CCDC141: variants seen among roughly 807,000 people sequenced by gnomAD.
CCDC141 encodes coiled-coil domain-containing protein 141.
A neutral mutation model predicts 181.0 loss-of-function variants in CCDC141; 168 were observed. The observed-to-expected ratio is 0.93, with a 90% CI of 0.82 to 1.05. The LOEUF is 1.05. Among genes scored for constraint, CCDC141 ranks in the 50% least tolerant of loss-of-function variants. The pLI, the probability that CCDC141 is intolerant of heterozygous loss-of-function variation, is 0.00. For synonymous variants in CCDC141, 666 were observed against 642.3 expected (o/e 1.04, Z -0.56); for missense variants, 1,902 against 1,788.5 (o/e 1.06, Z -1.14).
At chr2:178,843,820 A>C (rs1489480) in intron 22 of CCDC141, among the ~76,000 whole-genome samples, 72,429 of 151,974 alleles carry the variant, frequency 0.48, 17,544 homozygotes, top group East Asian at 0.68. Flanking sequence ...ACAGACAATA[A>C]GAGGGTAAAT....
intron 8 of CCDC141, among the ~76,000 whole-genome samples, chr2:178,892,213 GTA>G (rs139156898): frequency 0.12 from 18,828 of 152,128 alleles, 1,540 homozygotes; most frequent in Non-Finnish European, 0.18. Context: ...TTTATCATGT[GTA>G]GTTTGGCTCA....
intron 15 of CCDC141, among the ~76,000 whole-genome samples, chr2:178,868,547 T>C (rs911690371): frequency 1.4e-5 from 2 of 146,940 alleles, no homozygotes; most frequent in Non-Finnish European, 3.0e-5. Flanking sequence ...ACCATAACTA[T>C]GAAGTTTTTG....
At chr2:178,948,819 G>A (rs562841343) in intron 5 of CCDC141, among the ~76,000 whole-genome samples, 7 of 152,192 alleles carry the variant, frequency 4.6e-5, no homozygotes, top group Non-Finnish European at 5.9e-5. Flanking sequence ...TTCACCTTCC[G>A]CCATGGGTGA....
chr2:179,009,227 G>A (rs1039384881), intron 2 of CCDC141, among the ~76,000 whole-genome samples: 1 of 152,216 alleles, frequency 6.6e-6, no homozygotes, highest in East Asian at 1.9e-4. Context: ...TTTTATATGA[G>A]TTTCTGCTGA....
chr2:178,944,836 C>T lies in CCDC141; in HGVS notation c.781-185G>A, dbSNP rs4146958. ...TTTTTCTTCATTTAACCTCTACATGCATAAAAGAGAAAAAATCCCAAAAAG... is the reference window on the plus strand; with the variant it reads ...TTTTTCTTCATTTAACCTCTACATGTATAAAAGAGAAAAAATCCCAAAAAG... On this transcript the variant is annotated intron_variant, in intron 5 of 23. Transcript: ENST00000443758. Among the ~76,000 whole-genome samples, 7,125 of 151,992 alleles carry T rather than the reference C, an allele frequency of 0.047. 216 individuals carry two copies. The highest frequency in any genetic ancestry group is 0.079 in the South Asian group (380 of 4,816).
the CCDC141 span, among the ~76,000 whole-genome samples, chr2:178,823,796 C>G: frequency 6.6e-6 from 1 of 152,110 alleles, no homozygotes; most frequent in Admixed American, 6.5e-5. Flanking sequence ...ATCTGGAAAT[C>G]TTGTTTGACA....
rs1476012042 is a variant in CCDC141 at position 178,845,654 on chromosome 2, T to G, written c.3446A>C (p.Gln1149Pro). 3 of 1,604,870 alleles carry G rather than the reference T, an allele frequency of 1.9e-6. No individual in the cohort carries two copies. Among genetic ancestry groups the G allele is most frequent in the East Asian group, 2.2e-5 (1 of 44,754 alleles). ...DLLKEPAKNK[Q>P]TIFNEERNKG... ...ATTCCTTTCTTCATTGAATATTGTC[T>G]GCTTATTTTTTGCTGGTTCCTTTAG... Residue 1149 changes from glutamine to proline, a missense_variant, in exon 22 of 24, where the codon CAG becomes CCG. Transcript: ENST00000443758.
At chr2:178,824,061 AAC>A in the CCDC141 span, among the ~76,000 whole-genome samples, 2,315 of 147,248 alleles carry the variant, frequency 0.016, 54 homozygotes, top group African/African-American at 0.051. Context: ...TACAGAGAAA[AAC>A]ACACACACAC....
intron 20 of CCDC141, among the ~76,000 whole-genome samples, chr2:178,851,863 TTGAGA>T (rs1469873320): frequency 2.0e-5 from 3 of 152,192 alleles, no homozygotes; most frequent in Non-Finnish European, 4.4e-5. Flanking sequence ...ACAAATTTGT[TTGAGA>T]TAATTTTTTG....
chr2:178,886,222 A>AGGGCAGGTTTT (rs1686876663), intron 10 of CCDC141, among the ~76,000 whole-genome samples: 1 of 149,666 alleles, frequency 6.7e-6, no homozygotes, highest in Non-Finnish European at 1.5e-5. Flanking sequence ...CAGAAACTTC[A>AGGGCAGGTTTT]GGGCAGGTTT....
intron 4 of CCDC141, among the ~76,000 whole-genome samples, chr2:178,972,842 C>A (rs1690958398): frequency 6.6e-6 from 1 of 152,148 alleles, no homozygotes; most frequent in Admixed American, 6.5e-5. Context: ...CTGGTTCTAA[C>A]TTCCGTAGTG....
intron 7 of CCDC141, among the ~76,000 whole-genome samples, chr2:178,918,151 T>C (rs1427574781): frequency 2.0e-5 from 3 of 152,028 alleles, no homozygotes; most frequent in Non-Finnish European, 2.9e-5. Flanking sequence ...GGCTCATGCC[T>C]ACAATTTCAA....
intron 6 of CCDC141, among the ~76,000 whole-genome samples, chr2:178,924,234 G>A (rs534553085): frequency 6.6e-6 from 1 of 152,314 alleles, no homozygotes; most frequent in South Asian, 2.1e-4. Flanking sequence ...TAACTGTGGA[G>A]ATTACTGGCC....
intron 2 of CCDC141, among the ~76,000 whole-genome samples, chr2:179,031,273 G>T (rs1467907113): frequency 6.6e-6 from 1 of 151,380 alleles, no homozygotes; most frequent in East Asian, 1.9e-4. Context: ...TTTCATCTAA[G>T]TGTTGAATAT....
At chr2:178,902,494 A>G (rs1257408125) in intron 8 of CCDC141, among the ~76,000 whole-genome samples, 1 of 152,178 alleles carries the variant, frequency 6.6e-6, no homozygotes, top group Non-Finnish European at 1.5e-5. Context: ...TGGCAAAAAC[A>G]AGCAATGGGG....
intron 16 of CCDC141, 110 bp downstream of exon 16, chr2:178,867,916 G>T: frequency 1.2e-6 from 1 of 867,980 alleles, no homozygotes; most frequent in Non-Finnish European, 1.7e-6. Context: ...CAATGGTTTA[G>T]TTTATTTTTA....
chr2:178,904,402 C>A (rs753752287), intron 8 of CCDC141, among the ~76,000 whole-genome samples: 10 of 152,056 alleles, frequency 6.6e-5, no homozygotes, highest in Non-Finnish European at 1.3e-4. Flanking sequence ...TTCCCCAAAC[C>A]CAAAGTTACC....
chr2:178,975,203 G>C, intron 3 of CCDC141, 38 bp from the exon 4 acceptor site: 1 of 1,126,312 alleles, frequency 8.9e-7, no homozygotes, highest in Middle Eastern at 2.1e-4. Context: ...TTTGACATTT[G>C]TATAAAAATT....
intron 2 of CCDC141, among the ~76,000 whole-genome samples, chr2:178,998,645 G>C (rs1168775901): frequency 6.6e-6 from 1 of 151,956 alleles, no homozygotes; most frequent in Non-Finnish European, 1.5e-5. Context: ...ACTGTTGCAT[G>C]GTCCATTAAA....
Sources: allele counts gnomAD v4.1 joint callset (sites outside exome capture counted in the v4.1 genomes callset), GRCh38; gene constraint gnomAD v4.1.1; transcripts MANE v1.5; gene names NCBI Gene and HGNC (gene_info 2026-07-23, HGNC 2026-07-21).